The following HUNK variants were observed in gnomAD, a reference collection of about 807,000 sequenced individuals.
HUNK encodes the protein hormonally up-regulated neu tumor-associated kinase.
In HUNK, 21 loss-of-function variants were observed where a neutral mutation model predicts 61.0. The ratio of observed to expected loss-of-function variants is 0.34; its 90% CI spans 0.24 to 0.50. The LOEUF is 0.50. Among genes scored for constraint, HUNK ranks in the 20% least tolerant of loss-of-function variants. HUNK has a pLI of 0.98. For synonymous variants in HUNK, 371 were observed against 386.1 expected (o/e 0.96, Z 0.46); for missense variants, 772 against 945.7 (o/e 0.82, Z 2.41).
At chr21:31,893,814 ACT>A (rs2052407743) in intron 1 of HUNK, among the ~76,000 whole-genome samples, 1 of 152,240 alleles carries the variant, frequency 6.6e-6, no homozygotes, top group Non-Finnish European at 1.5e-5. Context: ...AAAACATGTT[ACT>A]GCCTTTAAGG....
At chr21:31,960,640 A>G (rs2052921204) in intron 5 of HUNK, among the ~76,000 whole-genome samples, 1 of 152,158 alleles carries the variant, frequency 6.6e-6, no homozygotes, top group African/African-American at 2.4e-5. Context: ...GAGCAAAGGG[A>G]CATCTTAGAT....
At chr21:31,922,560 C>G (rs1335600722) in intron 1 of HUNK, among the ~76,000 whole-genome samples, 1 of 152,098 alleles carries the variant, frequency 6.6e-6, no homozygotes, top group Non-Finnish European at 1.5e-5. Flanking sequence ...CTCCTGACCT[C>G]AAGTAATTCA....
At chr21:31,938,699 A>G (rs1368270265) in intron 2 of HUNK, among the ~76,000 whole-genome samples, 1 of 152,240 alleles carries the variant, frequency 6.6e-6, no homozygotes, top group East Asian at 1.9e-4. Context: ...AAGCTGGACC[A>G]AGAATGGTAT....
chr21:31,947,047 C>T (rs997631366), intron 4 of HUNK, among the ~76,000 whole-genome samples: 3 of 151,692 alleles, frequency 2.0e-5, no homozygotes, highest in African/African-American at 7.3e-5. Flanking sequence ...CTGCGCATTC[C>T]CACATCCCAG....
intron 6 of HUNK, among the ~76,000 whole-genome samples, 194 bp downstream of exon 6, chr21:31,968,579 A>G (rs925508713): frequency 6.6e-6 from 1 of 152,172 alleles, no homozygotes; most frequent in African/African-American, 2.4e-5. Flanking sequence ...ATGTGCTGTT[A>G]TGCCGTGTGC....
intron 1 of HUNK, among the ~76,000 whole-genome samples, chr21:31,909,445 A>G (rs1330127057): frequency 1.3e-5 from 2 of 152,198 alleles, no homozygotes; most frequent in Middle Eastern, 3.4e-3. Flanking sequence ...GGGAGCTGCC[A>G]TTGTTTTTTC....
At chr21:31,928,175 A>G (rs1320435416) in intron 2 of HUNK, among the ~76,000 whole-genome samples, 1 of 152,204 alleles carries the variant, frequency 6.6e-6, no homozygotes, top group African/African-American at 2.4e-5. Context: ...CGCAGGTCAC[A>G]GTGGAAAATA....
chr21:31,942,295 C>T (rs1211429054), intron 3 of HUNK, among the ~76,000 whole-genome samples: 1 of 152,196 alleles, frequency 6.6e-6, no homozygotes, highest in African/African-American at 2.4e-5. Context: ...CTGTTTCTTC[C>T]CTTTCCTCTT....
At chr21:31,907,746 C>T (rs1426017970) in intron 1 of HUNK, among the ~76,000 whole-genome samples, 1 of 151,820 alleles carries the variant, frequency 6.6e-6, no homozygotes, top group Non-Finnish European at 1.5e-5. Flanking sequence ...TCCCAGCACT[C>T]TGGGAGGCCG....
chr21:31,882,151 T>C (rs1015842835), intron 1 of HUNK, among the ~76,000 whole-genome samples: 16 of 151,958 alleles, frequency 1.1e-4, no homozygotes, highest in Non-Finnish European at 1.9e-4. Flanking sequence ...GAGTAACAGT[T>C]TGGGACATTC....
At chr21:31,962,894 A>G (rs1320687264) in intron 5 of HUNK, among the ~76,000 whole-genome samples, 2 of 152,220 alleles carry the variant, frequency 1.3e-5, no homozygotes, top group Non-Finnish European at 1.5e-5. Flanking sequence ...AAGGTGGCCC[A>G]TAGATTATTT....
intron 8 of HUNK, among the ~76,000 whole-genome samples, chr21:31,989,249 G>A (rs1046114219): frequency 5.3e-5 from 8 of 152,140 alleles, no homozygotes; most frequent in Non-Finnish European, 1.2e-4. Flanking sequence ...AGGTCCTGGG[G>A]TTAGACTTTA....
In HUNK at chr21:31,924,423, T is replaced by G; in HGVS notation, c.262-45T>G. 6.4e-7 allele frequency: 1 copy of G among 1,570,240 alleles called. No homozygotes were observed. Among genetic ancestry groups the G allele is most frequent in the Non-Finnish European group, 8.7e-7 (1 of 1,155,220 alleles). ...CTGTGAGTAGCCAAGGCATCGCTAT[T>G]GTCTGTAATGTCTGATAACAGGCAT... On this transcript the variant is annotated intron_variant, in intron 1 of 10. Coordinates refer to ENST00000270112, the MANE Select transcript of HUNK (RefSeq NM_014586.2). This position sits in a 1 kb window ranked among gnomAD's most constrained non-coding sequence, Gnocchi z 5.1.
In HUNK at chr21:31,873,057, C is replaced by A. The variant is rs560443733; in HGVS notation, c.-618C>A. Among the ~76,000 whole-genome samples, 1 of 152,168 alleles carries A rather than the reference C, an allele frequency of 6.6e-6. No individual in the cohort carries two copies. Among genetic ancestry groups the A allele is most frequent in the African/African-American group, 2.4e-5 (1 of 41,458 alleles). ...AAAGTGCACGGGCTGCGGAGTGGAG[C>A]TCGCATCTGTTCCCGCCGCCCGCGA... On this transcript the variant is annotated 5_prime_UTR_variant, in exon 1 of 11. Transcript: ENST00000270112. This position sits in a 1 kb window ranked among gnomAD's most constrained non-coding sequence, Gnocchi z 6.1.
At chr21:31,902,979 T>C (rs1217408573) in intron 1 of HUNK, among the ~76,000 whole-genome samples, 2 of 152,146 alleles carry the variant, frequency 1.3e-5, no homozygotes, top group African/African-American at 4.8e-5. Context: ...AATGTGATCA[T>C]GATCAAAGTG....
At chr21:31,966,076 CA>C (rs1302441944) in intron 5 of HUNK, among the ~76,000 whole-genome samples, 1 of 152,154 alleles carries the variant, frequency 6.6e-6, no homozygotes, top group Non-Finnish European at 1.5e-5. Context: ...CCCTTCCCTC[CA>C]AGTCCCCAAA....
At chr21:31,943,311 G>A (rs1330289350) in intron 3 of HUNK, among the ~76,000 whole-genome samples, 1 of 152,104 alleles carries the variant, frequency 6.6e-6, no homozygotes, top group Non-Finnish European at 1.5e-5. Flanking sequence ...CTGCAACTTA[G>A]GAGAGTTTTG....
At chr21:31,952,727 A>G (rs921316038) in intron 4 of HUNK, among the ~76,000 whole-genome samples, 1 of 74,424 alleles carries the variant, frequency 1.3e-5, no homozygotes, top group African/African-American at 5.4e-5. Context: ...TGCCGCCCCC[A>G]CCCCCCACCC....
chr21:31,902,464 C>T (rs56059818), intron 1 of HUNK, among the ~76,000 whole-genome samples: 3,797 of 152,142 alleles, frequency 0.025, 177 homozygotes, highest in African/African-American at 0.086. Flanking sequence ...GAGCCAAGAT[C>T]GTGCCATTGC....
Sources: allele counts gnomAD v4.1 joint callset (sites outside exome capture counted in the v4.1 genomes callset), GRCh38; gene constraint gnomAD v4.1.1; non-coding constraint Gnocchi (gnomAD v3.1); transcripts MANE v1.5; gene names NCBI Gene and HGNC (gene_info 2026-07-23, HGNC 2026-07-21).